The following CRACDL variants were observed in gnomAD, a reference collection of about 807,000 sequenced individuals.
CRACDL encodes CRACD like.
Under a neutral mutation model 70.6 loss-of-function variants are expected in CRACDL, and 26 were observed. The observed-to-expected ratio is 0.37, with a 90% confidence interval of 0.27 to 0.51. The LOEUF (loss-of-function observed/expected upper bound fraction) is 0.51. Among genes scored for constraint, CRACDL ranks in the 20% least tolerant of loss-of-function variants. CRACDL has a pLI of 0.94. For missense variants in CRACDL, 1,283 were observed against 1,376.9 expected (o/e 0.93, Z 1.08); for synonymous variants, 618 against 615.2 (o/e 1.00, Z -0.07).
At chr2:98,908,947 G>A (rs532390483) in intron 1 of CRACDL, among the ~76,000 whole-genome samples, 1 of 152,008 alleles carries the variant, frequency 6.6e-6, no homozygotes, top group Non-Finnish European at 1.5e-5. Flanking sequence ...AATCCTAAAG[G>A]TTCAGAGGTC....
intron 9 of CRACDL, among the ~76,000 whole-genome samples, chr2:98,795,073 A>ATTTTTTTT (rs1468056572): frequency 0.014 from 287 of 20,056 alleles, 29 homozygotes; most frequent in East Asian, 0.086. Context: ...ATATATATAT[A>ATTTTTTTT]TATATTTTTT....
intron 1 of CRACDL, among the ~76,000 whole-genome samples, chr2:98,861,110 G>A (rs1296272209): frequency 6.6e-6 from 1 of 152,200 alleles, no homozygotes; most frequent in Non-Finnish European, 1.5e-5. Flanking sequence ...ACTTTGGGAG[G>A]CCAAGGCGGG....
intron 3 of CRACDL, among the ~76,000 whole-genome samples, chr2:98,833,329 G>A (rs1239006649): frequency 2.0e-5 from 3 of 152,220 alleles, no homozygotes; most frequent in African/African-American, 7.2e-5. Flanking sequence ...GCCAGCTTCT[G>A]AGGAGGCCTG....
Position 98,822,707 on chromosome 2 carries a change from C to A in CRACDL, c.1566G>T (p.Pro522=), listed in dbSNP as rs1281902500. Residue 522 remains proline, a synonymous_variant, in exon 7 of 10, where the codon CCG becomes CCT. Transcript: ENST00000397899. The surrounding 1 kb of genome is among the most constrained non-coding windows in gnomAD (Gnocchi z 4.9). ...SPPLAAAESP[P]VEPGPGSLDA... ...CGAGGGAACCGGGGCCGGGCTCCAC[C>A]GGGGGAGACTCCGCAGCGGCAAGCG... is the stretch of plus-strand genomic sequence containing the variant. 9 of 1,262,410 alleles carry A rather than the reference C, an allele frequency of 7.1e-6. No individual in the cohort carries two copies. Among genetic ancestry groups the A allele is most frequent in the Non-Finnish European group, 8.9e-6 (9 of 1,007,576 alleles). 78.2% of individuals were successfully genotyped at this position (1,262,410 alleles called of 1,614,324 possible).
Position 98,823,409 on chromosome 2 carries a change from G to A in CRACDL, c.864C>T (p.Asp288=). 1 of 1,563,128 alleles carries A rather than the reference G, an allele frequency of 6.4e-7. No homozygotes were observed. The highest frequency in any genetic ancestry group is 8.6e-7 in the Non-Finnish European group (1 of 1,162,628). The change falls in exon 7 of 10, where the codon GAC becomes GAT. Residue 288 remains aspartate, a synonymous_variant. Coordinates refer to ENST00000397899, the MANE Select transcript of CRACDL (RefSeq NM_207362.3). The surrounding 1 kb of genome is among the most constrained non-coding windows in gnomAD (Gnocchi z 4.0). The stretch of plus-strand genomic sequence containing the variant: ...CCGGTGGCCCAGGCTCAGGGCCTCT[G>A]TCTGGCGCCACGTCCTGCTGCCCAG... ...PSSGQQDVAP[D]RGPEPGPPAP...
At chr2:98,864,865 A>C (rs1707073926) in intron 1 of CRACDL, among the ~76,000 whole-genome samples, 1 of 152,232 alleles carries the variant, frequency 6.6e-6, no homozygotes, top group Non-Finnish European at 1.5e-5. Flanking sequence ...CATTTTAAAC[A>C]GGTGAACTTT....
chr2:98,881,564 C>G (rs1238843109), intron 1 of CRACDL, among the ~76,000 whole-genome samples: 7 of 152,196 alleles, frequency 4.6e-5, no homozygotes, highest in Non-Finnish European at 8.8e-5. Flanking sequence ...TTTTGGAATG[C>G]AGGCAGAGTA....
chr2:98,918,364 C>T lies in CRACDL; in HGVS notation c.-11+17574G>A, dbSNP rs191974679. 2.7e-3 allele frequency among the ~76,000 whole-genome samples: 412 copies of T among 152,044 alleles called. 2 individuals carry two copies. Among genetic ancestry groups the T allele is most frequent in the African/African-American group, 9.1e-3 (379 of 41,480 alleles). On this transcript the variant is annotated intron_variant, in intron 1 of 9. Coordinates refer to ENST00000397899, the MANE Select transcript of CRACDL (RefSeq NM_207362.3). ...CCTGGCCAACATGACAAAACCCTGA[C>T]TCTACTAAAAATACAAAAATTAGCC...
Position 98,836,454 on chromosome 2 carries a change from T to C in CRACDL, c.239+1665A>G, listed in dbSNP as rs192266021. On this transcript the variant is annotated intron_variant, in intron 3 of 9. Coordinates refer to ENST00000397899, the MANE Select transcript of CRACDL (RefSeq NM_207362.3). ...AAACCAGCAAACTGTTACCAGTCAC[T>C]GAGGGCCAGCTCCCTGCAAGGTGCT... Among the ~76,000 whole-genome samples, 34 of 152,304 alleles carry C rather than the reference T, an allele frequency of 2.2e-4. No individual in the cohort carries two copies. The East Asian group carries it at 6.2e-3, about 28-fold the overall frequency.
intron 1 of CRACDL, among the ~76,000 whole-genome samples, chr2:98,871,696 A>T (rs1246282278): frequency 6.6e-6 from 1 of 152,216 alleles, no homozygotes; most frequent in Non-Finnish European, 1.5e-5. Context: ...TTCTTATAAC[A>T]GTGTCCTGGA....
intron 7 of CRACDL, among the ~76,000 whole-genome samples, chr2:98,807,772 A>G (rs368214497): frequency 1.3e-5 from 2 of 152,200 alleles, no homozygotes; most frequent in East Asian, 3.8e-4. Context: ...TTATTTACCC[A>G]TTTACTGAGA....
Position 98,893,505 on chromosome 2 carries a change from C to T in CRACDL, c.-11+42433G>A, listed in dbSNP as rs931425129. Among the ~76,000 whole-genome samples, 7 of 152,052 alleles carry T rather than the reference C, an allele frequency of 4.6e-5. No homozygotes were observed. The South Asian group carries it at 1.0e-3, about 23-fold the overall frequency. The stretch of plus-strand genomic sequence containing the variant: ...TTCAACATGTTAGCCAGGATGGTCT[C>T]GATCTCCTGACCTCGTGATCTGCCC... On this transcript the variant is annotated intron_variant, in intron 1 of 9. Transcript: ENST00000397899.
chr2:98,893,830 G>A (rs932042796), intron 1 of CRACDL, among the ~76,000 whole-genome samples: 2 of 152,204 alleles, frequency 1.3e-5, no homozygotes, highest in African/African-American at 4.8e-5. Context: ...GCCGTCAGGG[G>A]TAGCCCAGTC....
intron 1 of CRACDL, among the ~76,000 whole-genome samples, chr2:98,853,461 G>C (rs72958693): frequency 0.036 from 5,511 of 152,164 alleles, 305 homozygotes; most frequent in East Asian, 0.13. Flanking sequence ...TCTAAAAAGT[G>C]ATATGTACTA....
intron 7 of CRACDL, among the ~76,000 whole-genome samples, chr2:98,811,182 T>A (rs1322368409): frequency 6.6e-6 from 1 of 151,648 alleles, no homozygotes; most frequent in Non-Finnish European, 1.5e-5. Context: ...CAGAAAGGGG[T>A]GGGCAGGAGG....
chr2:98,915,016 G>C (rs2104682812), intron 1 of CRACDL, among the ~76,000 whole-genome samples: 1 of 152,332 alleles, frequency 6.6e-6, no homozygotes, highest in Middle Eastern at 3.4e-3. Context: ...CCAGGGTCTT[G>C]GCACCAGCCT....
intron 1 of CRACDL, among the ~76,000 whole-genome samples, chr2:98,848,006 T>C (rs900968419): frequency 6.6e-6 from 1 of 152,202 alleles, no homozygotes. Context: ...TCAATGTTCA[T>C]ACAATTTGGC....
intron 1 of CRACDL, among the ~76,000 whole-genome samples, chr2:98,907,176 C>A (rs1236830714): frequency 5.3e-5 from 8 of 152,160 alleles, no homozygotes; most frequent in Non-Finnish European, 4.4e-5. Context: ...CCTATAATCC[C>A]AGCTACTCAG....
At position 98,836,314 on chromosome 2, in the gene CRACDL, C is replaced by T. The variant is rs533471721; in HGVS notation, c.239+1805G>A. On this transcript the variant is annotated intron_variant, in intron 3 of 9. Transcript: ENST00000397899. ...GTGATGGATGAGAAGTTGCCGCAGA[C>T]TCTCCCACAGGCCAAGCAGTACTTG... 3.9e-5 allele frequency among the ~76,000 whole-genome samples: 6 copies of T among 152,272 alleles called. No individual in the cohort carries two copies. The South Asian group carries it at 1.2e-3, about 32-fold the overall frequency.
Sources: gnomAD v4.1 joint callset for allele counts (sites outside exome capture counted in the v4.1 genomes callset) on GRCh38, gnomAD v4.1.1 for gene constraint, Gnocchi (gnomAD v3.1) non-coding constraint, MANE v1.5 for transcripts, NCBI Gene and HGNC (gene_info 2026-07-23, HGNC 2026-07-21) for gene names.